KCND3: variants seen among roughly 807,000 people sequenced by gnomAD.
KCND3 encodes the protein potassium voltage-gated channel subfamily D member 3, also known as A-type voltage-gated potassium channel KCND3.
A neutral mutation model predicts 51.1 loss-of-function variants in KCND3; 9 were observed. The observed-to-expected ratio is 0.18, with a 90% confidence interval of 0.11 to 0.31. KCND3 has a LOEUF of 0.31. KCND3 is among the 10% of genes least tolerant of loss of function. The pLI is 1.00. For missense variants in KCND3, 526 were observed against 903.8 expected, an observed-to-expected ratio of 0.58 and a Z score of 5.36; for synonymous variants, 349 against 368.0, an observed-to-expected ratio of 0.95 and a Z score of 0.59.
chr1:111,863,862 AG>A (rs1571760088), intron 2 of KCND3, among the ~76,000 whole-genome samples: 1 of 152,126 alleles, frequency 6.6e-6, no homozygotes, highest in Non-Finnish European at 1.5e-5. Flanking sequence ...AGAAATGATG[AG>A]GGGGGTTAAC....
chr1:111,915,475 G>A (rs1671153123), intron 2 of KCND3, among the ~76,000 whole-genome samples: 1 of 152,046 alleles, frequency 6.6e-6, no homozygotes, highest in South Asian at 2.1e-4. Context: ...ACTGGAGGCC[G>A]GGTGCAGTGG....
intron 2 of KCND3, among the ~76,000 whole-genome samples, chr1:111,925,710 CCAGT>C (rs1671666205): frequency 6.6e-6 from 1 of 152,118 alleles, no homozygotes; most frequent in Admixed American, 6.5e-5. Flanking sequence ...TGTCACAAGT[CCAGT>C]GTTTGTGACA....
intron 1 of KCND3, among the ~76,000 whole-genome samples, chr1:111,983,259 G>A (rs192868084): frequency 1.3e-5 from 2 of 152,296 alleles, no homozygotes; most frequent in African/African-American, 2.4e-5. Context: ...AATCAGGAAC[G>A]GGGTGTAGAT....
intron 2 of KCND3, among the ~76,000 whole-genome samples, chr1:111,958,215 A>G (rs1239751919): frequency 1.3e-5 from 2 of 152,252 alleles, no homozygotes; most frequent in East Asian, 3.9e-4. Context: ...GTGTGATAAT[A>G]AGGATCCTAA....
At chr1:111,809,325 T>C (rs1665729147) in intron 2 of KCND3, among the ~76,000 whole-genome samples, 1 of 150,186 alleles carries the variant, frequency 6.7e-6, no homozygotes, top group Non-Finnish European at 1.5e-5. Flanking sequence ...TTTTTTTTTT[T>C]TGAGACAGAG....
At chr1:111,985,215 T>C (rs140802666) in intron 1 of KCND3, among the ~76,000 whole-genome samples, 2 of 152,260 alleles carry the variant, frequency 1.3e-5, no homozygotes, top group African/African-American at 2.4e-5. Context: ...GGGCTGATGG[T>C]GTGCCAGGCA....
intron 2 of KCND3, among the ~76,000 whole-genome samples, chr1:111,799,638 C>T (rs1256360206): frequency 6.6e-6 from 1 of 152,232 alleles, no homozygotes; most frequent in Non-Finnish European, 1.5e-5. Context: ...GAGCTGCCTG[C>T]ACCAGCCCTG....
intron 2 of KCND3, among the ~76,000 whole-genome samples, chr1:111,793,497 C>A (rs57246728): frequency 6.6e-6 from 1 of 150,972 alleles, no homozygotes; most frequent in East Asian, 1.9e-4. Context: ...TCTTAAAATG[C>A]AAATCAAAGC....
intron 2 of KCND3, among the ~76,000 whole-genome samples, chr1:111,948,139 T>C (rs1672873972): frequency 6.6e-6 from 1 of 152,224 alleles, no homozygotes; most frequent in African/African-American, 2.4e-5. Flanking sequence ...TGCCCCATCA[T>C]GCCCACAGGG....
In KCND3 at chr1:111,799,320, T is replaced by C. The variant is rs1665190632; in HGVS notation, c.1107-12214A>G. On this transcript the variant is annotated intron_variant, in intron 2 of 7. Coordinates refer to ENST00000302127, the MANE Select transcript of KCND3 (RefSeq NM_001378969.1). ...TTGATAGATACGGAACAGTCATGTA[T>C]GAAATGTTTTCTAAAAATAAAGCAT... Among the ~76,000 whole-genome samples, 3 of 152,212 alleles carry C rather than the reference T, an allele frequency of 2.0e-5. No individual in the cohort carries two copies. The South Asian group carries it at 6.2e-4, about 32-fold the overall frequency.
intron 2 of KCND3, among the ~76,000 whole-genome samples, chr1:111,825,677 C>T (rs1435403233): frequency 1.3e-5 from 2 of 152,172 alleles, no homozygotes; most frequent in East Asian, 1.9e-4. Flanking sequence ...AAGATACCAT[C>T]ATTGTATTTT....
intron 2 of KCND3, among the ~76,000 whole-genome samples, chr1:111,868,478 T>C (rs1425793456): frequency 2.6e-5 from 4 of 152,194 alleles, no homozygotes; most frequent in African/African-American, 7.2e-5. Flanking sequence ...AGGAAAATCA[T>C]AGTATATGTA....
intron 2 of KCND3, among the ~76,000 whole-genome samples, chr1:111,920,049 C>T (rs1218497192): frequency 6.6e-6 from 1 of 152,204 alleles, no homozygotes; most frequent in Admixed American, 6.5e-5. Flanking sequence ...CAGCTTTGCC[C>T]CCAGGCCACT....
intron 2 of KCND3, among the ~76,000 whole-genome samples, chr1:111,980,716 C>T (rs1301009396): frequency 6.6e-6 from 1 of 152,180 alleles, no homozygotes. Flanking sequence ...CCTTTATTGG[C>T]TATAATCCTG....
rs186515472 is a variant in KCND3 at position 111,948,325 on chromosome 1, G to C, written c.1106+33296C>G. On this transcript the variant is annotated intron_variant, in intron 2 of 7. Coordinates refer to ENST00000302127, the MANE Select transcript of KCND3 (RefSeq NM_001378969.1). Reference sequence around the variant, plus strand: ...CTCCTGGAAAAGCAGCCACAGACAAGTGCTTAGCAGCAAATAGATCACTCC... The same window carrying C: ...CTCCTGGAAAAGCAGCCACAGACAACTGCTTAGCAGCAAATAGATCACTCC... Among the ~76,000 whole-genome samples, 150 of 152,336 alleles carry C rather than the reference G, an allele frequency of 9.8e-4. 2 individuals carry two copies. The highest frequency in any genetic ancestry group is 2.4e-3 in the Admixed American group (36 of 15,310).
chr1:111,976,212 T>C (rs1438209829), intron 2 of KCND3, among the ~76,000 whole-genome samples: 1 of 152,182 alleles, frequency 6.6e-6, no homozygotes, highest in Non-Finnish European at 1.5e-5. Flanking sequence ...TAGAGGGGCT[T>C]ACCTATGGCT....
intron 2 of KCND3, among the ~76,000 whole-genome samples, chr1:111,933,124 C>T (rs1463937591): frequency 6.6e-6 from 1 of 152,174 alleles, no homozygotes; most frequent in Admixed American, 6.5e-5. Flanking sequence ...GTTTTGTAAG[C>T]ATCTGGCATT....
At chr1:111,930,490 A>G (rs1671914751) in intron 2 of KCND3, among the ~76,000 whole-genome samples, 1 of 152,206 alleles carries the variant, frequency 6.6e-6, no homozygotes, top group African/African-American at 2.4e-5. Flanking sequence ...GTGTCTGAGC[A>G]GTAGACCAAG....
intron 1 of KCND3, among the ~76,000 whole-genome samples, chr1:111,984,436 A>C (rs1012994835): frequency 3.0e-4 from 45 of 152,164 alleles, no homozygotes; most frequent in African/African-American, 9.9e-4. Context: ...TTCTCTAAAG[A>C]GTTGCCAAAT....
Sources: gnomAD v4.1 joint callset for allele counts (sites outside exome capture counted in the v4.1 genomes callset) on GRCh38, gnomAD v4.1.1 for gene constraint, MANE v1.5 for transcripts, NCBI Gene and HGNC (gene_info 2026-07-23, HGNC 2026-07-21) for gene names.